Variants in NRXN3 observed in about 807,000 individuals in gnomAD.
NRXN3 encodes neurexin III.
NRXN3 carries 32 observed loss-of-function variants against 137.6 expected under a neutral mutation model. The observed-to-expected ratio is 0.23, with a 90% CI of 0.18 to 0.31. NRXN3 has a LOEUF of 0.31. Among genes scored for constraint, NRXN3 ranks in the 10% least tolerant of loss-of-function variants. The pLI is 1.00. For synonymous variants in NRXN3, 798 were observed against 784.5 expected, an observed-to-expected ratio of 1.02 and a Z score of -0.29; for missense variants, 1,574 against 2,062.5, an observed-to-expected ratio of 0.76 and a Z score of 4.59.
At chr14:79,569,218 A>G (rs2097575620) in intron 16 of NRXN3, among the ~76,000 whole-genome samples, 1 of 152,004 alleles carries the variant, frequency 6.6e-6, no homozygotes, top group Non-Finnish European at 1.5e-5. Flanking sequence ...CTCCTACCAA[A>G]CAATCCCTGT....
intron 10 of NRXN3, among the ~76,000 whole-genome samples, chr14:78,856,339 T>C (rs1227050762): frequency 6.6e-6 from 1 of 152,194 alleles, no homozygotes; most frequent in Non-Finnish European, 1.5e-5. Context: ...ATAACTCCTC[T>C]AAAGTAAGTA....
At chr14:78,256,873 A>G (rs1277594745) in intron 2 of NRXN3, among the ~76,000 whole-genome samples, 1 of 152,198 alleles carries the variant, frequency 6.6e-6, no homozygotes, top group East Asian at 1.9e-4. Context: ...ATCTACCTTT[A>G]TCTCTCTTTA....
chr14:78,422,435 A>G (rs1455409733), intron 4 of NRXN3, among the ~76,000 whole-genome samples: 1 of 151,880 alleles, frequency 6.6e-6, no homozygotes, highest in Non-Finnish European at 1.5e-5. Flanking sequence ...AAACGAATGA[A>G]CTCTTCAATG....
At chr14:78,645,535 G>T in intron 5 of NRXN3, 114 bp downstream of exon 5, 1 of 810,788 alleles carries the variant, frequency 1.2e-6, no homozygotes. Flanking sequence ...CAGGGATGGA[G>T]ATGTTAACGT....
intron 15 of NRXN3, among the ~76,000 whole-genome samples, chr14:79,293,250 G>A (rs746197601): frequency 1.3e-5 from 2 of 152,134 alleles, no homozygotes; most frequent in Non-Finnish European, 2.9e-5. Flanking sequence ...CTGAGAAATA[G>A]ATCCACAACC....
intron 15 of NRXN3, among the ~76,000 whole-genome samples, chr14:79,386,861 C>T (rs2094637670): frequency 6.6e-6 from 1 of 152,202 alleles, no homozygotes; most frequent in African/African-American, 2.4e-5. Flanking sequence ...AAAGGATTCC[C>T]TATTTAATAA....
chr14:79,437,649 C>T (rs1213312957), intron 15 of NRXN3, among the ~76,000 whole-genome samples: 8 of 152,112 alleles, frequency 5.3e-5, no homozygotes, highest in South Asian at 2.1e-4. Flanking sequence ...GCATGGCTGC[C>T]GAACCTCACA....
intron 16 of NRXN3, among the ~76,000 whole-genome samples, chr14:79,474,448 T>A (rs916843802): frequency 6.6e-6 from 1 of 152,110 alleles, no homozygotes; most frequent in African/African-American, 2.4e-5. Flanking sequence ...TTAATTTCTG[T>A]TTCATCTGAT....
At chr14:78,262,644 G>T (rs2153476462) in intron 2 of NRXN3, among the ~76,000 whole-genome samples, 2 of 152,148 alleles carry the variant, frequency 1.3e-5, no homozygotes, top group Middle Eastern at 6.8e-3. Flanking sequence ...CCTCCCACCT[G>T]CCACAGTTTG....
At chr14:78,244,285 C>T (rs1162245865) in intron 2 of NRXN3, among the ~76,000 whole-genome samples, 1 of 152,110 alleles carries the variant, frequency 6.6e-6, no homozygotes, top group Non-Finnish European at 1.5e-5. Context: ...CAAAAATTAG[C>T]TGGGCATGGT....
intron 4 of NRXN3, 94 bp downstream of exon 4, chr14:78,297,954 A>G: frequency 7.0e-7 from 1 of 1,422,588 alleles, no homozygotes; most frequent in Non-Finnish European, 9.6e-7. Flanking sequence ...CTGGCAGGCC[A>G]TTCGCTGCCT....
At chr14:78,761,609 T>A (rs978773630) in intron 8 of NRXN3, among the ~76,000 whole-genome samples, 4 of 152,178 alleles carry the variant, frequency 2.6e-5, no homozygotes, top group African/African-American at 7.2e-5. Context: ...TATTTTCCCA[T>A]CTATAAACTC....
intron 4 of NRXN3, among the ~76,000 whole-genome samples, chr14:78,610,284 A>C (rs1269296662): frequency 6.6e-6 from 1 of 152,236 alleles, no homozygotes; most frequent in Non-Finnish European, 1.5e-5. Context: ...CTTCTTCCAT[A>C]ATAAGTTCAT....
intron 15 of NRXN3, among the ~76,000 whole-genome samples, chr14:79,089,550 G>A (rs915855237): frequency 6.6e-6 from 1 of 152,142 alleles, no homozygotes; most frequent in African/African-American, 2.4e-5. Context: ...ACATAGTCAT[G>A]AACGTTTGCT....
chr14:78,903,012 G>T (rs1344505558), intron 10 of NRXN3, among the ~76,000 whole-genome samples: 1 of 151,732 alleles, frequency 6.6e-6, no homozygotes, highest in Non-Finnish European at 1.5e-5. Flanking sequence ...TCTCTGTGAA[G>T]CTTGGCCGTG....
At position 79,831,896 on chromosome 14, in the gene NRXN3, C is replaced by A. The variant is rs1011004094; in HGVS notation, c.4093+26706C>A. On this transcript the variant is annotated intron_variant, in intron 20 of 20. Coordinates refer to ENST00000335750, the MANE Select transcript of NRXN3 (RefSeq NM_001330195.2). ...TTTTTCATGTCTTCTGTGAGCCCCC[C>A]ACGTTTATCTCAGGGTGGATTCTAA... Among the ~76,000 whole-genome samples the A allele has an allele frequency of 2.6e-5, 4 of 152,218 alleles. No individual in the cohort carries two copies. In the East Asian group the frequency reaches 5.8e-4, roughly 22 times the overall value.
At chr14:79,192,854 T>A (rs951704839) in intron 15 of NRXN3, among the ~76,000 whole-genome samples, 3 of 137,052 alleles carry the variant, frequency 2.2e-5, no homozygotes, top group African/African-American at 8.1e-5. Flanking sequence ...CACTGCAAAC[T>A]CCACCTCCCG....
intron 16 of NRXN3, among the ~76,000 whole-genome samples, chr14:79,505,940 C>G (rs754748204): frequency 6.6e-6 from 1 of 152,188 alleles, no homozygotes; most frequent in African/African-American, 2.4e-5. Flanking sequence ...TTGATCAAGA[C>G]TGTATTTCTC....
chr14:78,594,386 C>T (rs2097142438), intron 4 of NRXN3, among the ~76,000 whole-genome samples: 1 of 152,114 alleles, frequency 6.6e-6, no homozygotes. Flanking sequence ...CCTGAACACA[C>T]CAAATGCCAC....
Sources: allele counts gnomAD v4.1 joint callset (sites outside exome capture counted in the v4.1 genomes callset), GRCh38; gene constraint gnomAD v4.1.1; transcripts MANE v1.5; gene names NCBI Gene and HGNC (gene_info 2026-07-23, HGNC 2026-07-21).